Variants in FXYD7 observed in about 807,000 individuals in gnomAD.
FXYD7 encodes the protein FXYD domain-containing ion transport regulator 7.
In FXYD7, 7 loss-of-function variants were observed where a neutral mutation model predicts 15.3. The ratio of observed to expected loss-of-function variants is 0.46; its 90% CI spans 0.26 to 0.86. FXYD7 has a LOEUF of 0.86. FXYD7 is among the 40% of genes least tolerant of loss of function. The pLI is 0.16. For synonymous variants in FXYD7, 39 were observed against 39.3 expected (o/e 0.99, Z 0.03); for missense variants, 78 against 100.6 (o/e 0.78, Z 0.96).
chr19:35,144,388 C>A (rs2065280987), intron 1 of FXYD7, among the ~76,000 whole-genome samples: 1 of 152,200 alleles, frequency 6.6e-6, no homozygotes, highest in Non-Finnish European at 1.5e-5. Flanking sequence ...CTTAAACACC[C>A]ACTTCTACCG....
intron 5 of FXYD7, among the ~76,000 whole-genome samples, chr19:35,152,548 T>C (rs1356046918): frequency 6.6e-6 from 1 of 151,978 alleles, no homozygotes; most frequent in Non-Finnish European, 1.5e-5. Flanking sequence ...AGAATGCAGA[T>C]TTTAGAATTC....
Position 35,154,218 on chromosome 19 carries a change from T to C in FXYD7, c.*302T>C. ...CGTGTATGGCCCCCCTGCACCTCCT[T>C]GTCTCATCCCCGAAGATCCGTCCCC... On this transcript the variant is annotated 3_prime_UTR_variant, in exon 6 of 6. Transcript: ENST00000270310. The C allele has an allele frequency of 2.0e-6, 1 of 504,784 alleles. No homozygotes were observed. The highest frequency in any genetic ancestry group is 3.5e-6 in the Non-Finnish European group (1 of 285,450). 31.3% of individuals were successfully genotyped at this position (504,784 alleles called of 1,614,324 possible).
rs947221204 is a variant in FXYD7, at chr19:35,143,414, G to A, written c.31+50G>A. 8 of 1,364,026 alleles carry A rather than the reference G, an allele frequency of 5.9e-6. No homozygotes were observed. In the Admixed American group the frequency reaches 8.9e-5, roughly 15 times the overall value. The allele number at this position is 1,364,026 out of a possible 1,614,324, so 84.5% of individuals were successfully genotyped here. A position where few individuals can be genotyped will look rare whatever the true frequency, so the allele number is the denominator to read the frequency against. On this transcript the variant is annotated intron_variant, in intron 1 of 5. Transcript: ENST00000270310. This position sits in a 1 kb window ranked among gnomAD's most constrained non-coding sequence, Gnocchi z 4.3. Reference sequence around the variant, plus strand: ...TGCAGGGGGGCTCCGGGATCTGAGAGCCTAGGAGAGAGGGTGTCGGGAGAT... The same window carrying A: ...TGCAGGGGGGCTCCGGGATCTGAGAACCTAGGAGAGAGGGTGTCGGGAGAT...
chr19:35,149,875 G>A (rs149871667), intron 2 of FXYD7, among the ~76,000 whole-genome samples: 48 of 152,096 alleles, frequency 3.2e-4, no homozygotes, highest in African/African-American at 1.0e-3. Flanking sequence ...CAGGAGGATC[G>A]CTCAAGTCCA....
At chr19:35,152,577 T>C (rs990141902) in intron 5 of FXYD7, among the ~76,000 whole-genome samples, 1 of 151,638 alleles carries the variant, frequency 6.6e-6, no homozygotes, top group African/African-American at 2.4e-5. Context: ...AAAGAACATA[T>C]GGGATGCAGG....
intron 5 of FXYD7, 63 bp downstream of exon 5, chr19:35,151,736 A>G (rs1453399592): frequency 3.9e-6 from 4 of 1,016,546 alleles, no homozygotes; most frequent in Non-Finnish European, 4.6e-6. Flanking sequence ...GGGAACCCTC[A>G]GAAGGGAAGT....
intron 2 of FXYD7, 143 bp from the exon 3 acceptor site, chr19:35,151,111 A>C (rs1188931573): frequency 1.4e-6 from 1 of 716,634 alleles, no homozygotes; most frequent in Non-Finnish European, 2.6e-6. Context: ...CCTCACATCA[A>C]CCCCCTGAAG....
At chr19:35,149,537 C>A (rs2145397508) in intron 2 of FXYD7, 1 of 167,440 alleles carries the variant, frequency 6.0e-6, no homozygotes, top group Non-Finnish European at 1.3e-5. Flanking sequence ...TGTTTTATCA[C>A]AATACGAAAG....
At chr19:35,148,828 C>T (rs1401820621) in intron 2 of FXYD7, 105 bp downstream of exon 2, 1 of 1,004,410 alleles carries the variant, frequency 1.0e-6, no homozygotes, top group South Asian at 1.3e-5. Flanking sequence ...ACGTGCTGGG[C>T]CACTGGCCAC....
intron 1 of FXYD7, among the ~76,000 whole-genome samples, chr19:35,145,453 T>C (rs1299272896): frequency 1.3e-5 from 2 of 152,182 alleles, no homozygotes; most frequent in Admixed American, 6.5e-5. Flanking sequence ...CCCGATAACT[T>C]TGGGGAAGGA....
At position 35,143,856 on chromosome 19, in the gene FXYD7, A is replaced by C. The variant is rs2065278877; in HGVS notation, c.31+492A>C. Reference sequence around the variant, plus strand: ...TTGACAGCCAGGTTCAGAGGAAAGGAGTGAGAGCTGAAGGAAGAGACAGAG... The same window carrying C: ...TTGACAGCCAGGTTCAGAGGAAAGGCGTGAGAGCTGAAGGAAGAGACAGAG... On this transcript the variant is annotated intron_variant, in intron 1 of 5. Transcript: ENST00000270310. The surrounding 1 kb of genome is among the most constrained non-coding windows in gnomAD (Gnocchi z 4.3). Among the ~76,000 whole-genome samples, 1 of 152,128 alleles carries C rather than the reference A, an allele frequency of 6.6e-6. No individual in the cohort carries two copies. The highest frequency in any genetic ancestry group is 2.1e-4 in the South Asian group (1 of 4,830).
intron 1 of FXYD7, among the ~76,000 whole-genome samples, chr19:35,144,366 G>C (rs1280280612): frequency 6.6e-6 from 1 of 152,112 alleles, no homozygotes; most frequent in Non-Finnish European, 1.5e-5. Flanking sequence ...AATTAACCCA[G>C]TTATGCACCC....
chr19:35,150,377 G>A (rs1185387152), intron 2 of FXYD7, among the ~76,000 whole-genome samples: 3 of 152,104 alleles, frequency 2.0e-5, no homozygotes, highest in African/African-American at 7.2e-5. Context: ...CAGCCTGGGT[G>A]ACAGAGTGAC....
intron 1 of FXYD7, among the ~76,000 whole-genome samples, chr19:35,146,458 C>A (rs923760880): frequency 7.9e-5 from 12 of 152,244 alleles, no homozygotes; most frequent in Admixed American, 7.2e-4. Flanking sequence ...CTTCTTTTTG[C>A]CTTAAGTTGA....
chr19:35,151,632 G>C lies in FXYD7; in HGVS notation c.180-1G>C. The C allele has an allele frequency of 6.2e-7, 1 of 1,613,058 alleles. No individual in the cohort carries two copies. The highest frequency in any genetic ancestry group is 8.5e-7 in the Non-Finnish European group (1 of 1,179,072). ...TTTCTCTCTCATCTCTGCCTCCACA[G>C]CCCAACCTGCAAATCCTGTAAGTCT... On this transcript the variant is annotated splice_acceptor_variant, in intron 4 of 5. Transcript: ENST00000270310. LOFTEE classifies it high-confidence loss of function.
At chr19:35,153,007 T>C (rs2065319090) in intron 5 of FXYD7, among the ~76,000 whole-genome samples, 1 of 146,856 alleles carries the variant, frequency 6.8e-6, no homozygotes, top group Non-Finnish European at 1.5e-5. Context: ...TTGAGAAGTA[T>C]TTGGTGTGGA....
At position 35,143,349 on chromosome 19, in the gene FXYD7, C is replaced by A; in HGVS notation, c.16C>A (p.Gln6Lys). MATPT[Q>K]TPTKAPEEPD... is the part of the protein sequence containing the mutation. Reference sequence around the variant, plus strand: ...CCGGCCCAGCATGGCGACCCCGACCCAGACCCCCACAAAGGGTGAGCGTCG... The same window carrying A: ...CCGGCCCAGCATGGCGACCCCGACCAAGACCCCCACAAAGGGTGAGCGTCG... The change falls in exon 1 of 6, where the codon CAG (glutamine) becomes AAG (lysine). Residue 6 changes from glutamine to lysine, a missense_variant. Physicochemically the swap from Gln to Lys is moderately conservative, Grantham distance 53 (BLOSUM62 1). Transcript: ENST00000270310. The surrounding 1 kb of genome is among the most constrained non-coding windows in gnomAD (Gnocchi z 4.3). 1 of 1,526,562 alleles carries A rather than the reference C, an allele frequency of 6.6e-7. No individual in the cohort carries two copies. The highest frequency in any genetic ancestry group is 2.6e-5 in the East Asian group (1 of 38,216). 94.6% of individuals were successfully genotyped at this position (1,526,562 alleles called of 1,614,324 possible). A position where few individuals can be genotyped will look rare whatever the true frequency, so the allele number is the denominator to read the frequency against.
intron 1 of FXYD7, among the ~76,000 whole-genome samples, chr19:35,144,975 C>T (rs1568404919): frequency 6.6e-6 from 1 of 152,062 alleles, no homozygotes; most frequent in Non-Finnish European, 1.5e-5. Context: ...TCCACCCTGC[C>T]AGAGAACAGG....
intron 1 of FXYD7, among the ~76,000 whole-genome samples, chr19:35,146,370 C>G (rs1470847362): frequency 6.6e-6 from 1 of 152,206 alleles, no homozygotes; most frequent in Non-Finnish European, 1.5e-5. Flanking sequence ...AACTCCTGAC[C>G]TCGTGATCCG....
Sources: allele counts gnomAD v4.1 joint callset (sites outside exome capture counted in the v4.1 genomes callset), GRCh38; gene constraint gnomAD v4.1.1; non-coding constraint Gnocchi (gnomAD v3.1); transcripts MANE v1.5; gene names NCBI Gene and HGNC (gene_info 2026-07-23, HGNC 2026-07-21).